The following RBFOX1 variants were observed in gnomAD, a reference collection of about 807,000 sequenced individuals.
The protein encoded by RBFOX1 is RNA binding protein fox-1 homolog 1.
In RBFOX1, 8 loss-of-function variants were observed where a neutral mutation model predicts 57.7. That is an observed-to-expected ratio of 0.14 (90% confidence interval 0.08 to 0.25). RBFOX1 has a LOEUF of 0.25. Among genes scored for constraint, RBFOX1 ranks in the 10% least tolerant of loss-of-function variants. The probability of loss-of-function intolerance (pLI) is 1.00; values close to 1 mark genes in which losing one functional copy is unlikely to be tolerated. For synonymous variants in RBFOX1, 326 were observed against 222.4 expected, an observed-to-expected ratio of 1.47 and a Z score of -4.15; for missense variants, 611 against 548.5, an observed-to-expected ratio of 1.11 and a Z score of -1.14.
intron 2 of RBFOX1, among the ~76,000 whole-genome samples, chr16:6,646,054 T>C (rs1291910557): frequency 2.0e-5 from 3 of 151,594 alleles, no homozygotes; most frequent in Non-Finnish European, 2.9e-5. Flanking sequence ...GTCGGGAAAT[T>C]GATTGCTTGG....
intron 2 of RBFOX1, among the ~76,000 whole-genome samples, chr16:6,453,315 A>G (rs1480367201): frequency 6.6e-6 from 1 of 151,982 alleles, no homozygotes; most frequent in Non-Finnish European, 1.5e-5. Flanking sequence ...TCCTGTGTCC[A>G]TGTGTTTTCA....
chr16:7,456,820 C>T (rs1020560350), intron 4 of RBFOX1, among the ~76,000 whole-genome samples: 2 of 152,120 alleles, frequency 1.3e-5, no homozygotes, highest in African/African-American at 4.8e-5. Context: ...AGCCCTGAGC[C>T]CTGGAGCAGG....
At chr16:6,351,644 G>T (rs1351119350) in intron 2 of RBFOX1, among the ~76,000 whole-genome samples, 3 of 151,902 alleles carry the variant, frequency 2.0e-5, no homozygotes, top group African/African-American at 7.3e-5. Flanking sequence ...AAAATGTTGG[G>T]ATTACAGGCA....
intron 2 of RBFOX1, among the ~76,000 whole-genome samples, chr16:6,391,311 C>T (rs1439006396): frequency 6.6e-6 from 1 of 152,056 alleles, no homozygotes; most frequent in Non-Finnish European, 1.5e-5. Context: ...AGATCCAGAC[C>T]ATCCTGGCTA....
intron 4 of RBFOX1, among the ~76,000 whole-genome samples, chr16:5,909,837 A>T (rs895910679): frequency 3.3e-5 from 5 of 152,126 alleles, no homozygotes; most frequent in African/African-American, 1.2e-4. Flanking sequence ...AGATCACTTG[A>T]GGTCAGGAGT....
chr16:6,653,506 C>G (rs929726765), intron 2 of RBFOX1, among the ~76,000 whole-genome samples: 1 of 152,088 alleles, frequency 6.6e-6, no homozygotes, highest in Non-Finnish European at 1.5e-5. Flanking sequence ...AATGAGTTCC[C>G]TGAGGGTAGG....
intron 2 of RBFOX1, among the ~76,000 whole-genome samples, chr16:6,585,824 G>A (rs543059223): frequency 3.9e-5 from 6 of 152,168 alleles, no homozygotes; most frequent in Admixed American, 3.9e-4. Flanking sequence ...TTGTGTAGGG[G>A]TCTGTGCATT....
At chr16:7,293,335 C>T (rs113893062) in intron 4 of RBFOX1, among the ~76,000 whole-genome samples, 4 of 152,232 alleles carry the variant, frequency 2.6e-5, no homozygotes, top group African/African-American at 9.6e-5. Context: ...TAAGCAAATA[C>T]TACACATCTG....
chr16:6,812,119 A>C (rs895423254), intron 3 of RBFOX1, among the ~76,000 whole-genome samples: 7 of 152,272 alleles, frequency 4.6e-5, no homozygotes, highest in Non-Finnish European at 8.8e-5. Flanking sequence ...CGAGAAACTC[A>C]CTACCAAAGC....
intron 2 of RBFOX1, among the ~76,000 whole-genome samples, chr16:6,629,913 C>T (rs777813675): frequency 2.0e-5 from 3 of 149,522 alleles, no homozygotes; most frequent in African/African-American, 4.9e-5. Flanking sequence ...TTTTAATGAC[C>T]TCTGCTACAT....
At chr16:5,544,091 C>T (rs1004899373) in intron 2 of RBFOX1, among the ~76,000 whole-genome samples, 1 of 152,108 alleles carries the variant, frequency 6.6e-6, no homozygotes, top group Non-Finnish European at 1.5e-5. Context: ...ACAGAGCCCA[C>T]CACCCAACAA....
intron 3 of RBFOX1, among the ~76,000 whole-genome samples, chr16:6,889,570 G>C (rs564441851): frequency 6.6e-6 from 1 of 152,226 alleles, no homozygotes; most frequent in Admixed American, 6.5e-5. Context: ...GTTAGTATTT[G>C]CAACATATAC....
At chr16:7,522,243 G>C (rs1415012341) in intron 5 of RBFOX1, among the ~76,000 whole-genome samples, 1 of 152,176 alleles carries the variant, frequency 6.6e-6, no homozygotes, top group Non-Finnish European at 1.5e-5. Context: ...GTACAAAGAA[G>C]CTTGAATTGG....
chr16:7,408,627 C>G (rs1209024891), intron 4 of RBFOX1, among the ~76,000 whole-genome samples: 1 of 152,318 alleles, frequency 6.6e-6, no homozygotes, highest in South Asian at 2.1e-4. Context: ...TCTAGAGGAG[C>G]AATCAAGGCT....
Position 7,510,231 on chromosome 16 carries a change from G to T in RBFOX1, c.28-7916G>T, listed in dbSNP as rs1280326654. 23 of 985,798 alleles carry T rather than the reference G, an allele frequency of 2.3e-5. 1 individual carries two copies. In the South Asian group the frequency reaches 9.9e-4, roughly 42 times the overall value. The allele number at this position is 985,798 out of a possible 1,614,324, so 61.1% of individuals were successfully genotyped here. A position where few individuals can be genotyped will look rare whatever the true frequency, so the allele number is the denominator to read the frequency against. On this transcript the variant is annotated intron_variant, in intron 4 of 15. Coordinates refer to ENST00000550418, the MANE Select transcript of RBFOX1 (RefSeq NM_018723.4). Reference sequence around the variant, plus strand: ...ACACCCTCGCTCGTAATTGAGGCGTGCTTGGGGCAGATGCTTTGTGGTGTG... The same window carrying T: ...ACACCCTCGCTCGTAATTGAGGCGTTCTTGGGGCAGATGCTTTGTGGTGTG...
At chr16:7,626,814 C>G (rs17144383) in intron 10 of RBFOX1, among the ~76,000 whole-genome samples, 26,413 of 152,040 alleles carry the variant, frequency 0.17, 4,192 homozygotes, top group African/African-American at 0.43. Flanking sequence ...GAAGTGGAGA[C>G]TTGTTTTTAA....
intron 3 of RBFOX1, among the ~76,000 whole-genome samples, chr16:6,933,378 G>T (rs1467495668): frequency 6.6e-6 from 1 of 152,196 alleles, no homozygotes; most frequent in Admixed American, 6.5e-5. Flanking sequence ...GTTCCAATCT[G>T]TCCACATCAT....
chr16:6,929,978 C>G (rs1432720027), intron 3 of RBFOX1, among the ~76,000 whole-genome samples: 1 of 152,124 alleles, frequency 6.6e-6, no homozygotes, highest in Non-Finnish European at 1.5e-5. Flanking sequence ...ACTGGCAAAC[C>G]TGTCCAGGAA....
At chr16:6,757,060 CTAAT>C (rs2075911012) in intron 3 of RBFOX1, among the ~76,000 whole-genome samples, 2 of 151,994 alleles carry the variant, frequency 1.3e-5, no homozygotes, top group Admixed American at 6.6e-5. Flanking sequence ...CTTATTATCA[CTAAT>C]TATGAGGGAA....
Sources: allele counts gnomAD v4.1 joint callset (sites outside exome capture counted in the v4.1 genomes callset), GRCh38; gene constraint gnomAD v4.1.1; transcripts MANE v1.5; gene names NCBI Gene and HGNC (gene_info 2026-07-23, HGNC 2026-07-21).